Variants in MPDZ observed in about 807,000 individuals in gnomAD.
MPDZ encodes multiple PDZ domain crumbs cell polarity complex component.
Under a neutral mutation model 239.1 loss-of-function variants are expected in MPDZ, and 234 were observed. The ratio of observed to expected loss-of-function variants is 0.98; its 90% CI spans 0.88 to 1.09. The LOEUF is 1.09. Ranked by LOEUF, MPDZ falls within the 50% of genes least tolerant of loss-of-function variation. The pLI is 0.00. For missense variants in MPDZ, 3,175 were observed against 2,510.0 expected (o/e 1.26, Z -5.66); for synonymous variants, 1,048 against 881.3 (o/e 1.19, Z -3.35).
intron 1 of MPDZ, among the ~76,000 whole-genome samples, chr9:13,251,660 A>G (rs185027782): frequency 5.7e-4 from 87 of 152,342 alleles, no homozygotes; most frequent in African/African-American, 2.0e-3. Context: ...TACCTCTTTA[A>G]GACAAAATTC....
At chr9:13,135,919 A>G in intron 31 of MPDZ, 173 bp downstream of exon 31, 1 of 508,130 alleles carries the variant, frequency 2.0e-6, no homozygotes, top group South Asian at 3.5e-5. Flanking sequence ...CATAAGTGGT[A>G]TGCTTATTTC....
rs148663551 is a variant in MPDZ at position 13,130,909 on chromosome 9, A to G, written c.4464+2915T>C. ...AGTAGCAAGTTGAAACAGGTAATGGATGGGAAATGGGACTTGGAGGCAGAA... is the reference window on the plus strand; with the variant it reads ...AGTAGCAAGTTGAAACAGGTAATGGGTGGGAAATGGGACTTGGAGGCAGAA... On this transcript the variant is annotated intron_variant, in intron 32 of 46. Coordinates refer to ENST00000319217, the MANE Select transcript of MPDZ (RefSeq NM_001378778.1). Among the ~76,000 whole-genome samples, 947 of 152,274 alleles carry G rather than the reference A, an allele frequency of 6.2e-3. 8 individuals are homozygous for G. Among genetic ancestry groups the G allele is most frequent in the African/African-American group, 0.021 (862 of 41,556 alleles).
intron 22 of MPDZ, 126 bp downstream of exon 22, chr9:13,168,240 G>C: frequency 1.2e-6 from 1 of 839,570 alleles, no homozygotes; most frequent in Non-Finnish European, 1.9e-6. Context: ...AATTTCTTGA[G>C]TGATTTATGT....
At chr9:13,125,021 T>C (rs1486794588) in intron 35 of MPDZ, among the ~76,000 whole-genome samples, 195 bp downstream of exon 35, 6 of 152,078 alleles carry the variant, frequency 3.9e-5, no homozygotes, top group South Asian at 2.1e-4. Flanking sequence ...GTACAGCACA[T>C]AGATTGCCTG....
At chr9:13,145,865 C>T (rs1948361914) in intron 26 of MPDZ, among the ~76,000 whole-genome samples, 1 of 151,790 alleles carries the variant, frequency 6.6e-6, no homozygotes, top group South Asian at 2.1e-4. Context: ...TATTGAGAAT[C>T]ACTATTCAGC....
At chr9:13,203,251 G>A (rs1015627136) in intron 12 of MPDZ, among the ~76,000 whole-genome samples, 1 of 152,158 alleles carries the variant, frequency 6.6e-6, no homozygotes, top group Non-Finnish European at 1.5e-5. Flanking sequence ...GCTTTGAACT[G>A]ATTCTGCAAG....
At chr9:13,208,138 G>C (rs975920372) in intron 10 of MPDZ, among the ~76,000 whole-genome samples, 1 of 152,142 alleles carries the variant, frequency 6.6e-6, no homozygotes, top group African/African-American at 2.4e-5. Flanking sequence ...GTAAATATGC[G>C]AAAATTATAA....
chr9:13,216,998 G>GATT lies in MPDZ; in HGVS notation c.1202-137_1202-136insAAT, dbSNP rs1958432941. 5 of 807,172 alleles carry GATT rather than the reference G, an allele frequency of 6.2e-6. No homozygotes were observed. The African/African-American group carries it at 8.7e-5, about 14-fold the overall frequency. The allele number at this position is 807,172 out of a possible 1,614,324, so 50.0% of individuals were successfully genotyped here. A position where few individuals can be genotyped will look rare whatever the true frequency, so the allele number is the denominator to read the frequency against. The stretch of plus-strand genomic sequence containing the variant: ...AGTAGAAACACAGGCTAAAGAATAA[G>GATT]ATAATTGTTTTGTCTGTCTTAAATA... On this transcript the variant is annotated intron_variant, in intron 9 of 46. Transcript: ENST00000319217.
chr9:13,196,330 C>T (rs768133669), intron 12 of MPDZ, 100 bp from the exon 13 acceptor site: 25 of 707,170 alleles, frequency 3.5e-5, no homozygotes, highest in Admixed American at 8.0e-5. Flanking sequence ...CGCTGTATCA[C>T]GTCAGACTCT....
chr9:13,188,503 G>C (rs953944247), intron 17 of MPDZ, among the ~76,000 whole-genome samples: 1 of 152,050 alleles, frequency 6.6e-6, no homozygotes, highest in Non-Finnish European at 1.5e-5. Flanking sequence ...GAGCAACAGA[G>C]CAAGGCTCCA....
intron 1 of MPDZ, among the ~76,000 whole-genome samples, chr9:13,276,381 T>A (rs1974194436): frequency 6.6e-6 from 1 of 152,184 alleles, no homozygotes; most frequent in Admixed American, 6.5e-5. Context: ...TAAATATCAT[T>A]TCCGAACTGT....
chr9:13,172,970 C>T (rs1288297121), intron 21 of MPDZ, among the ~76,000 whole-genome samples: 3 of 152,192 alleles, frequency 2.0e-5, no homozygotes, highest in East Asian at 1.9e-4. Context: ...AAAGGAAATT[C>T]TGACACATGC....
intron 10 of MPDZ, among the ~76,000 whole-genome samples, chr9:13,210,066 G>C (rs1288552256): frequency 7.2e-6 from 1 of 138,124 alleles, no homozygotes; most frequent in Non-Finnish European, 1.6e-5. Context: ...AAAATGATGA[G>C]AAATTACAAA....
At chr9:13,154,621 TA>T (rs1949602588) in intron 24 of MPDZ, among the ~76,000 whole-genome samples, 3 of 152,182 alleles carry the variant, frequency 2.0e-5, no homozygotes. Context: ...CTTTGGCACA[TA>T]ATAAGCAATT....
intron 21 of MPDZ, among the ~76,000 whole-genome samples, chr9:13,173,121 G>A (rs1034361052): frequency 6.6e-6 from 1 of 152,198 alleles, no homozygotes; most frequent in Non-Finnish European, 1.5e-5. Flanking sequence ...GGTAGAGAGA[G>A]CAATGGGGAA....
chr9:13,171,479 T>C (rs187530219), intron 21 of MPDZ, among the ~76,000 whole-genome samples: 128 of 152,240 alleles, frequency 8.4e-4, no homozygotes, highest in Middle Eastern at 6.8e-3. Context: ...CCTGAGTCTG[T>C]CTATGTTTCT....
At chr9:13,219,479 CT>C (rs1958792761) in intron 8 of MPDZ, 79 bp downstream of exon 8, 3 of 1,261,980 alleles carry the variant, frequency 2.4e-6, no homozygotes, top group Non-Finnish European at 3.3e-6. Context: ...ATTAGTAAGT[CT>C]AGTTTCTAAG....
intron 1 of MPDZ, among the ~76,000 whole-genome samples, chr9:13,252,295 C>T (rs1198632313): frequency 5.9e-5 from 9 of 152,010 alleles, no homozygotes; most frequent in Non-Finnish European, 1.2e-4. Context: ...AGGCCGGGCG[C>T]GGTGGCTCAT....
intron 17 of MPDZ, among the ~76,000 whole-genome samples, chr9:13,186,848 A>T (rs1448859254): frequency 6.6e-6 from 1 of 152,206 alleles, no homozygotes; most frequent in Non-Finnish European, 1.5e-5. Context: ...GTCATCCCTT[A>T]CAAGAATATT....
Sources: gnomAD v4.1 joint callset for allele counts (sites outside exome capture counted in the v4.1 genomes callset) on GRCh38, gnomAD v4.1.1 for gene constraint, MANE v1.5 for transcripts, NCBI Gene and HGNC (gene_info 2026-07-23, HGNC 2026-07-21) for gene names.